Variants in RANBP2 observed in about 807,000 individuals in gnomAD.
RANBP2 encodes the protein E3 SUMO-protein ligase RanBP2.
A neutral mutation model predicts 303.6 loss-of-function variants in RANBP2; 57 were observed. The observed-to-expected ratio is 0.19, with a 90% confidence interval of 0.15 to 0.23. The LOEUF (loss-of-function observed/expected upper bound fraction) is 0.23, where lower values mean the gene tolerates loss of function less well. RANBP2 is among the 10% of genes least tolerant of loss of function. RANBP2 has a pLI of 1.00. For synonymous variants in RANBP2, 1,167 were observed against 1,301.5 expected, an observed-to-expected ratio of 0.90 and a Z score of 2.23; for missense variants, 3,138 against 3,780.8, an observed-to-expected ratio of 0.83 and a Z score of 4.46.
At chr2:109,266,158 T>TGTGTATG in the RANBP2 span, among the ~76,000 whole-genome samples, 1 of 151,754 alleles carries the variant, frequency 6.6e-6, no homozygotes, top group East Asian at 1.9e-4. Context: ...CTGTGTGTGT[T>TGTGTATG]GTGTATGGTG....
At chr2:108,756,326 A>G (rs1385128611) in intron 17 of RANBP2, among the ~76,000 whole-genome samples, 1 of 152,232 alleles carries the variant, frequency 6.6e-6, no homozygotes, top group African/African-American at 2.4e-5. Context: ...TATGTAAGGA[A>G]ATAGTTATGT....
the RANBP2 span, among the ~76,000 whole-genome samples, chr2:109,401,744 C>T: frequency 2.0e-5 from 3 of 152,200 alleles, no homozygotes; most frequent in African/African-American, 7.2e-5. Context: ...TTCCTGCATC[C>T]TCACCTGCAC....
At chr2:109,466,947 A>G in the RANBP2 span, among the ~76,000 whole-genome samples, 39 of 140,388 alleles carry the variant, frequency 2.8e-4, no homozygotes, top group East Asian at 6.8e-3. Context: ...GTGTGTGTCT[A>G]TATATCTGTG....
the RANBP2 span, among the ~76,000 whole-genome samples, chr2:109,270,272 G>T: frequency 1.3e-5 from 2 of 152,184 alleles, no homozygotes. Context: ...GTAACCTTAA[G>T]GCGAGTCTGT....
intron 25 of RANBP2, among the ~76,000 whole-genome samples, chr2:108,779,226 G>T: frequency 6.6e-6 from 1 of 152,132 alleles, no homozygotes; most frequent in Non-Finnish European, 1.5e-5. Flanking sequence ...CAGTGGCGCA[G>T]ATCTCAGTTT....
chr2:109,234,348 A>G, the RANBP2 span, among the ~76,000 whole-genome samples: 1 of 152,222 alleles, frequency 6.6e-6, no homozygotes, highest in Non-Finnish European at 1.5e-5. Context: ...TTATTGCAGG[A>G]TTCTTAGTGC....
chr2:108,794,568 G>A, the RANBP2 span: 6 of 1,611,334 alleles, frequency 3.7e-6, no homozygotes, highest in East Asian at 4.5e-5. Context: ...CGACCTCATC[G>A]AGACCTCGGA....
the RANBP2 span, among the ~76,000 whole-genome samples, chr2:109,384,506 T>TG: frequency 6.6e-6 from 1 of 151,148 alleles, no homozygotes; most frequent in Admixed American, 6.6e-5. Context: ...GGAGAGGGGT[T>TG]GGGGTCAGAG....
chr2:109,043,865 T>C, the RANBP2 span, among the ~76,000 whole-genome samples: 1 of 152,254 alleles, frequency 6.6e-6, no homozygotes, highest in Middle Eastern at 3.4e-3. Context: ...TGGAAATAAT[T>C]TGGGGGAACA....
chr2:108,755,112 A>T, intron 16 of RANBP2, 28 bp downstream of exon 16: 1 of 1,611,974 alleles, frequency 6.2e-7, no homozygotes, highest in Non-Finnish European at 8.5e-7. Context: ...GAATCATTTC[A>T]TTGTGAAATT....
chr2:109,375,808 G>T, the RANBP2 span, among the ~76,000 whole-genome samples: 2 of 152,272 alleles, frequency 1.3e-5, no homozygotes, highest in African/African-American at 4.8e-5. Context: ...GCCCTCAGCT[G>T]TTGAGAACAG....
the RANBP2 span, among the ~76,000 whole-genome samples, chr2:109,735,588 A>T: frequency 2.4e-4 from 36 of 152,298 alleles, no homozygotes; most frequent in South Asian, 7.5e-3. Flanking sequence ...AAAACCAGTG[A>T]GTTTCAATTT....
the RANBP2 span, among the ~76,000 whole-genome samples, chr2:109,541,707 C>A: frequency 6.6e-6 from 1 of 152,194 alleles, no homozygotes; most frequent in Non-Finnish European, 1.5e-5. Context: ...ACTAGGAATG[C>A]CTCCTTCTTT....
At chr2:108,755,744 G>A (rs947443668) in intron 17 of RANBP2, among the ~76,000 whole-genome samples, 9 of 151,894 alleles carry the variant, frequency 5.9e-5, no homozygotes, top group Non-Finnish European at 1.2e-4. Flanking sequence ...TTTGTTTTGA[G>A]ATGGAGTCTC....
the RANBP2 span, among the ~76,000 whole-genome samples, chr2:108,825,554 A>T: frequency 1.9e-4 from 29 of 152,294 alleles, no homozygotes; most frequent in African/African-American, 6.7e-4. Flanking sequence ...ATATAAACAG[A>T]TTCGTACAAT....
chr2:109,648,714 C>T, the RANBP2 span, among the ~76,000 whole-genome samples: 2 of 146,818 alleles, frequency 1.4e-5, no homozygotes, highest in African/African-American at 2.5e-5. Context: ...AGTGCAGTGG[C>T]GTGATCTTGG....
chr2:109,355,784 A>G, the RANBP2 span, among the ~76,000 whole-genome samples: 27 of 152,212 alleles, frequency 1.8e-4, no homozygotes, highest in Non-Finnish European at 2.9e-5. Flanking sequence ...TGCCGTCTTC[A>G]TATACAAAGC....
chr2:108,985,895 A>G, the RANBP2 span, among the ~76,000 whole-genome samples: 3 of 152,124 alleles, frequency 2.0e-5, no homozygotes, highest in Admixed American at 6.5e-5. Flanking sequence ...ACATATTTTC[A>G]TGGAGTGCAT....
chr2:109,228,399 T>C, the RANBP2 span, among the ~76,000 whole-genome samples: 10 of 152,214 alleles, frequency 6.6e-5, no homozygotes, highest in Non-Finnish European at 1.0e-4. Flanking sequence ...GAAAACCAAC[T>C]GTTTTCCTTG....
Sources: gnomAD v4.1 joint callset for allele counts (sites outside exome capture counted in the v4.1 genomes callset) on GRCh38, gnomAD v4.1.1 for gene constraint, MANE v1.5 for transcripts, NCBI Gene and HGNC (gene_info 2026-07-23, HGNC 2026-07-21) for gene names.